TGFA: variants seen among roughly 807,000 people sequenced by gnomAD.
TGFA encodes the protein protransforming growth factor alpha.
A neutral mutation model predicts 21.7 loss-of-function variants in TGFA; 12 were observed. The observed-to-expected ratio is 0.55, with a 90% CI of 0.35 to 0.90. TGFA has a LOEUF of 0.90. Ranked by LOEUF, TGFA falls within the 40% of genes least tolerant of loss-of-function variation. TGFA has a pLI of 0.01. For synonymous variants in TGFA, 79 were observed against 88.1 expected, an observed-to-expected ratio of 0.90 and a Z score of 0.58; for missense variants, 178 against 210.8, an observed-to-expected ratio of 0.84 and a Z score of 0.96.
At chr2:70,504,452 A>ATATATATATATATG (rs1671845481) in intron 2 of TGFA, among the ~76,000 whole-genome samples, 1 of 73,624 alleles carries the variant, frequency 1.4e-5, no homozygotes, top group Non-Finnish European at 2.4e-5. Context: ...ATATATATAT[A>ATATATATATATATG]TATATATATA....
chr2:70,468,843 A>G (rs1396304718), intron 2 of TGFA, among the ~76,000 whole-genome samples: 1 of 152,324 alleles, frequency 6.6e-6, no homozygotes, highest in East Asian at 1.9e-4. Flanking sequence ...TAATTATTTC[A>G]TTAAATATTA....
intron 1 of TGFA, among the ~76,000 whole-genome samples, chr2:70,531,643 A>G: frequency 6.6e-6 from 1 of 152,236 alleles, no homozygotes; most frequent in East Asian, 1.9e-4. Flanking sequence ...CTGAACTCAG[A>G]TGCAGCTTCC....
intron 2 of TGFA, among the ~76,000 whole-genome samples, chr2:70,475,673 C>A (rs1234678786): frequency 6.6e-6 from 1 of 151,996 alleles, no homozygotes. Flanking sequence ...CTAAGAGTCC[C>A]AAGGCAAATG....
chr2:70,491,333 G>T (rs891635677), intron 2 of TGFA, among the ~76,000 whole-genome samples: 1 of 152,148 alleles, frequency 6.6e-6, no homozygotes, highest in South Asian at 2.1e-4. Flanking sequence ...GGTTGGCCAG[G>T]ACCAGTGGCT....
intron 2 of TGFA, among the ~76,000 whole-genome samples, chr2:70,511,324 C>T (rs1302032304): frequency 6.6e-6 from 1 of 152,192 alleles, no homozygotes; most frequent in Non-Finnish European, 1.5e-5. Flanking sequence ...ACACCATTTA[C>T]ATTTTTCTGG....
intron 1 of TGFA, among the ~76,000 whole-genome samples, chr2:70,525,605 C>T (rs1672608967): frequency 6.6e-6 from 1 of 152,174 alleles, no homozygotes; most frequent in South Asian, 2.1e-4. Flanking sequence ...CCTTGGGCCC[C>T]AGAAGCAAGG....
At chr2:70,501,256 AT>A (rs34066419) in intron 2 of TGFA, among the ~76,000 whole-genome samples, 29,693 of 144,614 alleles carry the variant, frequency 0.21, 3,379 homozygotes, top group Admixed American at 0.33. Context: ...TTTGCTTGCA[AT>A]TTTTTTTTTT....
intron 2 of TGFA, among the ~76,000 whole-genome samples, chr2:70,502,442 T>C (rs1449255296): frequency 6.6e-6 from 1 of 152,134 alleles, no homozygotes. Flanking sequence ...CGGGTTCAAG[T>C]GGTTCTCATG....
chr2:70,451,893 C>T, intron 5 of TGFA: 2 of 623,512 alleles, frequency 3.2e-6, no homozygotes, highest in South Asian at 1.9e-5. Flanking sequence ...CCATCCTCTT[C>T]CTAAGACCAC....
intron 1 of TGFA, among the ~76,000 whole-genome samples, chr2:70,529,618 G>T (rs1226239767): frequency 1.3e-5 from 2 of 151,774 alleles, no homozygotes; most frequent in African/African-American, 4.8e-5. Flanking sequence ...AAAAGAGCAG[G>T]TGGCTGCTGT....
At chr2:70,553,139 G>A (rs1553507066) in intron 1 of TGFA, 1 of 1,531,082 alleles carries the variant, frequency 6.5e-7, no homozygotes, top group Non-Finnish European at 8.7e-7. Context: ...TCCCAGGGAA[G>A]TTAATTAAAG....
intron 2 of TGFA, among the ~76,000 whole-genome samples, chr2:70,506,348 C>T (rs144996826): frequency 6.6e-6 from 1 of 152,276 alleles, no homozygotes; most frequent in South Asian, 2.1e-4. Flanking sequence ...AGTATCTCAG[C>T]CTACAAGGGC....
intron 1 of TGFA, 48 bp downstream of exon 1, chr2:70,553,679 GA>G: frequency 7.5e-7 from 1 of 1,334,956 alleles, no homozygotes. Flanking sequence ...GGGACCGGGG[GA>G]AGCAGGGTGT....
chr2:70,475,524 G>A (rs1468570563), intron 2 of TGFA, among the ~76,000 whole-genome samples: 2 of 152,176 alleles, frequency 1.3e-5, no homozygotes, highest in African/African-American at 4.8e-5. Context: ...CATGGTGCGT[G>A]TGTGGATGTG....
rs1438573302 is a variant in TGFA, at chr2:70,456,382, T to C, written c.322A>G (p.Ile108Val). The C allele has an allele frequency of 3.8e-6, 6 of 1,576,294 alleles. No homozygotes were observed. The African/African-American group carries it at 4.1e-5, about 11-fold the overall frequency. Residue 108 changes from isoleucine to valine, a missense_variant, in exon 4 of 6, where the codon ATC becomes GTC. By Grantham distance (29) the Ile-to-Val change is conservative. Transcript: ENST00000295400. ...ATGATAAGGACAGCCAGGGCCACGA[T>C]GGAGACCACCACCAAGGCGGTGATG... ...QAITALVVVS[I>V]VALAVLIITC...
At chr2:70,483,108 T>C (rs1574091620) in intron 2 of TGFA, among the ~76,000 whole-genome samples, 1 of 152,338 alleles carries the variant, frequency 6.6e-6, no homozygotes, top group Middle Eastern at 3.4e-3. Context: ...AATATTTTGA[T>C]TTTGTCATGT....
chr2:70,454,831 C>T (rs78302691), intron 4 of TGFA, among the ~76,000 whole-genome samples: 5,569 of 152,276 alleles, frequency 0.037, 280 homozygotes, highest in African/African-American at 0.13. Context: ...TGTCTAGGCA[C>T]CTAGATCATT....
chr2:70,528,553 T>C (rs1001832622), intron 1 of TGFA, among the ~76,000 whole-genome samples: 1 of 151,946 alleles, frequency 6.6e-6, no homozygotes, highest in South Asian at 2.1e-4. Flanking sequence ...AGTCATCTAG[T>C]AGAAAGGTTG....
chr2:70,547,995 C>T (rs1182995504), intron 1 of TGFA, among the ~76,000 whole-genome samples: 1 of 151,840 alleles, frequency 6.6e-6, no homozygotes, highest in Non-Finnish European at 1.5e-5. Context: ...TTACACTTGT[C>T]TTAATTTTCC....
Sources: allele counts gnomAD v4.1 joint callset (sites outside exome capture counted in the v4.1 genomes callset), GRCh38; gene constraint gnomAD v4.1.1; transcripts MANE v1.5; gene names NCBI Gene and HGNC (gene_info 2026-07-23, HGNC 2026-07-21).